Variants in CRYL1 observed in about 807,000 individuals in gnomAD.
CRYL1 encodes lambda-crystallin homolog.
CRYL1 carries 29 observed loss-of-function variants against 36.6 expected under a neutral mutation model. The ratio of observed to expected loss-of-function variants is 0.79; its 90% confidence interval spans 0.59 to 1.08. The LOEUF is 1.08. Among genes scored for constraint, CRYL1 ranks in the 50% least tolerant of loss-of-function variants. The pLI, the probability that CRYL1 is intolerant of heterozygous loss-of-function variation, is 0.00. For missense variants in CRYL1, 411 were observed against 407.9 expected (o/e 1.01, Z -0.06); for synonymous variants, 152 against 151.5 (o/e 1.00, Z -0.02).
intron 5 of CRYL1, chr13:20,431,204 A>G: frequency 2.0e-6 from 2 of 985,468 alleles, no homozygotes; most frequent in Non-Finnish European, 1.2e-6. Flanking sequence ...GGGCACAGTC[A>G]GCTTCCTGGT....
chr13:20,427,392 T>C, intron 5 of CRYL1: 1 of 815,560 alleles, frequency 1.2e-6, no homozygotes, highest in Non-Finnish European at 1.5e-6. Context: ...CGGGTGTCCA[T>C]TCTACCCCAC....
intron 2 of CRYL1, among the ~76,000 whole-genome samples, chr13:20,497,472 A>AC (rs1212138463): frequency 2.0e-5 from 3 of 146,608 alleles, no homozygotes; most frequent in African/African-American, 7.6e-5. Context: ...CACTACACAC[A>AC]CACCACCACA....
intron 3 of CRYL1, among the ~76,000 whole-genome samples, chr13:20,448,249 AC>A (rs557536558): frequency 6.2e-4 from 95 of 152,336 alleles, no homozygotes; most frequent in African/African-American, 2.2e-3. Context: ...AAAATGAAAA[AC>A]AAAGAGCAAG....
At chr13:20,450,864 T>C (rs1247924075) in intron 3 of CRYL1, among the ~76,000 whole-genome samples, 8 of 152,078 alleles carry the variant, frequency 5.3e-5, no homozygotes, top group Non-Finnish European at 5.9e-5. Flanking sequence ...ATATACACCA[T>C]GGAATACTAT....
chr13:20,525,618 C>T lies in CRYL1; in HGVS notation c.41+136G>A. The T allele has an allele frequency of 1.0e-5, 7 of 694,580 alleles. No homozygotes were observed. The highest frequency in any genetic ancestry group is 6.0e-6 in the Non-Finnish European group (3 of 499,868). The allele number at this position is 694,580 out of a possible 1,614,324, so 43.0% of individuals were successfully genotyped here. ...CGCCAGCGCCGTAGGGGCCGCAGGGCGCAGGGCTTCGGAGGACCGGAGGCC... is the reference window on the plus strand; with the variant it reads ...CGCCAGCGCCGTAGGGGCCGCAGGGTGCAGGGCTTCGGAGGACCGGAGGCC... On this transcript the variant is annotated intron_variant, in intron 1 of 7. Transcript: ENST00000298248. This position sits in a 1 kb window ranked among gnomAD's most constrained non-coding sequence, Gnocchi z 4.3.
At chr13:20,455,156 C>A (rs915674006) in intron 3 of CRYL1, among the ~76,000 whole-genome samples, 9 of 151,578 alleles carry the variant, frequency 5.9e-5, no homozygotes, top group African/African-American at 2.2e-4. Flanking sequence ...AATGGAAAAT[C>A]AAAAAAAATG....
chr13:20,525,630 G>A lies in CRYL1; in HGVS notation c.41+124C>T. 1 of 796,422 alleles carries A rather than the reference G, an allele frequency of 1.3e-6. No homozygotes were observed. The highest frequency in any genetic ancestry group is 1.7e-6 in the Non-Finnish European group (1 of 589,090). The allele number at this position is 796,422 out of a possible 1,614,324, so 49.3% of individuals were successfully genotyped here. A position where few individuals can be genotyped will look rare whatever the true frequency, so the allele number is the denominator to read the frequency against. ...AGGGGCCGCAGGGCGCAGGGCTTCG[G>A]AGGACCGGAGGCCGGGGCGGGGACA... On this transcript the variant is annotated intron_variant, in intron 1 of 7. Transcript: ENST00000298248. The surrounding 1 kb of genome is among the most constrained non-coding windows in gnomAD (Gnocchi z 4.3).
intron 5 of CRYL1, chr13:20,418,924 C>G (rs2031734717): frequency 6.6e-6 from 1 of 152,158 alleles, no homozygotes; most frequent in Non-Finnish European, 1.5e-5. Context: ...AAGGTTTTAT[C>G]TTAGGTGAGT....
At chr13:20,494,477 A>G (rs1019544893) in intron 2 of CRYL1, among the ~76,000 whole-genome samples, 1 of 152,176 alleles carries the variant, frequency 6.6e-6, no homozygotes, top group South Asian at 2.1e-4. Context: ...TCACCCAACC[A>G]TCTTTCCACT....
At chr13:20,421,537 T>C (rs1593433115) in intron 5 of CRYL1, among the ~76,000 whole-genome samples, 1 of 152,188 alleles carries the variant, frequency 6.6e-6, no homozygotes, top group Non-Finnish European at 1.5e-5. Flanking sequence ...CTGCAGCTGA[T>C]GGAAGGCACA....
intron 3 of CRYL1, among the ~76,000 whole-genome samples, chr13:20,459,938 C>G (rs1275843574): frequency 1.6e-4 from 25 of 152,236 alleles, no homozygotes; most frequent in Admixed American, 1.6e-3. Flanking sequence ...GAGGGTCTGT[C>G]TGCTTTCCTC....
chr13:20,412,354 A>C (rs1230278549), intron 6 of CRYL1, among the ~76,000 whole-genome samples: 1 of 152,132 alleles, frequency 6.6e-6, no homozygotes, highest in African/African-American at 2.4e-5. Context: ...AATGCAGGCC[A>C]TGGAGCTGCA....
At position 20,525,831 on chromosome 13, in the gene CRYL1, C is replaced by T; in HGVS notation, c.-37G>A. On this transcript the variant is annotated 5_prime_UTR_variant, in exon 1 of 8. Coordinates refer to ENST00000298248, the MANE Select transcript of CRYL1 (RefSeq NM_015974.3). This position sits in a 1 kb window ranked among gnomAD's most constrained non-coding sequence, Gnocchi z 4.3. ...GGACGCGGCGCCGCGGGCGCTGGGA[C>T]CAGGCGCCGGCGGAGCTGCGAGCTC... The T allele has an allele frequency of 8.2e-7, 1 of 1,220,570 alleles. No homozygotes were observed. The allele number at this position is 1,220,570 out of a possible 1,614,324, so 75.6% of individuals were successfully genotyped here.
intron 4 of CRYL1, among the ~76,000 whole-genome samples, chr13:20,432,685 G>T (rs2032098137): frequency 6.6e-6 from 1 of 152,008 alleles, no homozygotes; most frequent in Admixed American, 6.6e-5. Context: ...CCCATCTGCA[G>T]TCACCACAGG....
chr13:20,507,700 C>G lies in CRYL1; in HGVS notation c.149+4743G>C, dbSNP rs369364767. 4.6e-3 allele frequency among the ~76,000 whole-genome samples: 698 copies of G among 152,254 alleles called. 26 individuals are homozygous for G. In the South Asian group the frequency reaches 0.084, roughly 18 times the overall value. Reference sequence around the variant, plus strand: ...TTGGGAGGCCAAGGCAGGCGGATCACAAGGTCAGGAGATCGAGACCATCCT... The same window carrying G: ...TTGGGAGGCCAAGGCAGGCGGATCAGAAGGTCAGGAGATCGAGACCATCCT... On this transcript the variant is annotated intron_variant, in intron 2 of 7. Coordinates refer to ENST00000298248, the MANE Select transcript of CRYL1 (RefSeq NM_015974.3).
chr13:20,460,281 A>G (rs572959914), intron 3 of CRYL1, among the ~76,000 whole-genome samples: 1 of 152,286 alleles, frequency 6.6e-6, no homozygotes, highest in Non-Finnish European at 1.5e-5. Context: ...ACATAGATAT[A>G]AATGCTGCCT....
At chr13:20,452,047 A>G (rs2137418756) in intron 3 of CRYL1, among the ~76,000 whole-genome samples, 1 of 152,242 alleles carries the variant, frequency 6.6e-6, no homozygotes, top group East Asian at 1.9e-4. Flanking sequence ...AAAACCAAAT[A>G]CCACATGTCC....
chr13:20,469,612 T>C (rs1477756948), intron 3 of CRYL1, among the ~76,000 whole-genome samples: 2 of 152,208 alleles, frequency 1.3e-5, no homozygotes, highest in Admixed American at 6.5e-5. Context: ...TAGAATTCTC[T>C]TAGCTATACA....
At chr13:20,465,015 CT>C (rs67686844) in intron 3 of CRYL1, among the ~76,000 whole-genome samples, 51,977 of 152,052 alleles carry the variant, frequency 0.34, 11,199 homozygotes, top group East Asian at 0.8. Context: ...TAAAAAGATT[CT>C]AAATATTTCA....
Sources: allele counts gnomAD v4.1 joint callset (sites outside exome capture counted in the v4.1 genomes callset), GRCh38; gene constraint gnomAD v4.1.1; non-coding constraint Gnocchi (gnomAD v3.1); transcripts MANE v1.5; gene names NCBI Gene and HGNC (gene_info 2026-07-23, HGNC 2026-07-21).